The following CHN1 variants were observed in gnomAD, a reference collection of about 807,000 sequenced individuals.
CHN1 encodes the protein N-chimaerin.
Under a neutral mutation model 59.5 loss-of-function variants are expected in CHN1, and 37 were observed. The ratio of observed to expected loss-of-function variants is 0.62; its 90% CI spans 0.48 to 0.82. CHN1 has a LOEUF of 0.82. Ranked by LOEUF, CHN1 falls within the 40% of genes least tolerant of loss-of-function variation. The pLI is 0.00. For missense variants in CHN1, 469 were observed against 571.0 expected, an observed-to-expected ratio of 0.82 and a Z score of 1.82; for synonymous variants, 206 against 200.4, an observed-to-expected ratio of 1.03 and a Z score of -0.24.
At chr2:174,876,727 T>C (rs1038163859) in intron 6 of CHN1, among the ~76,000 whole-genome samples, 15 of 152,164 alleles carry the variant, frequency 9.9e-5, no homozygotes, top group African/African-American at 3.6e-4. Flanking sequence ...TCTAAGGTAA[T>C]GGGAAGTTAT....
intron 8 of CHN1, among the ~76,000 whole-genome samples, chr2:174,816,406 T>G (rs1037501858): frequency 1.3e-5 from 2 of 152,184 alleles, no homozygotes; most frequent in African/African-American, 4.8e-5. Context: ...CAGCATCCAC[T>G]GAGAAGGTGT....
chr2:174,905,749 A>G (rs1688525640), intron 5 of CHN1, among the ~76,000 whole-genome samples: 1 of 151,976 alleles, frequency 6.6e-6, no homozygotes. Context: ...TAGTAGAGAC[A>G]GGGTTTCACC....
At chr2:174,905,266 G>A (rs1558975612) in intron 5 of CHN1, among the ~76,000 whole-genome samples, 1 of 152,068 alleles carries the variant, frequency 6.6e-6, no homozygotes. Context: ...ACACACCTGA[G>A]ATTCTAGTTC....
chr2:174,859,602 T>A (rs1290500572), intron 6 of CHN1, among the ~76,000 whole-genome samples: 1 of 152,314 alleles, frequency 6.6e-6, no homozygotes, highest in South Asian at 2.1e-4. Context: ...CAAAGTGATA[T>A]GTCATATATA....
chr2:174,816,066 C>T (rs1033088271), intron 8 of CHN1, among the ~76,000 whole-genome samples: 13 of 152,108 alleles, frequency 8.5e-5, no homozygotes, highest in African/African-American at 2.9e-4. Flanking sequence ...TGCCCACAAA[C>T]TGGGTTGGGG....
chr2:174,948,426 T>C (rs1689911595), intron 2 of CHN1, among the ~76,000 whole-genome samples: 1 of 151,560 alleles, frequency 6.6e-6, no homozygotes, highest in Admixed American at 6.6e-5. Context: ...ATTCACACAA[T>C]AAGTACTGAA....
intron 1 of CHN1, among the ~76,000 whole-genome samples, chr2:174,990,424 A>G (rs1691509015): frequency 6.6e-6 from 1 of 152,060 alleles, no homozygotes; most frequent in South Asian, 2.1e-4. Flanking sequence ...AGACCTAGGA[A>G]CAGCAGATCT....
At chr2:174,895,186 A>G (rs1227997319) in intron 5 of CHN1, among the ~76,000 whole-genome samples, 2 of 126,148 alleles carry the variant, frequency 1.6e-5, no homozygotes, top group African/African-American at 5.6e-5. Flanking sequence ...GAGTATATAT[A>G]TGTGTGTGTG....
intron 7 of CHN1, among the ~76,000 whole-genome samples, chr2:174,831,791 G>T (rs934486287): frequency 1.3e-5 from 2 of 152,094 alleles, no homozygotes; most frequent in African/African-American, 4.8e-5. Flanking sequence ...CTTCTACTTA[G>T]AAAGTAAGCT....
intron 3 of CHN1, among the ~76,000 whole-genome samples, chr2:174,944,380 T>C (rs893306195): frequency 1.3e-5 from 2 of 152,212 alleles, no homozygotes; most frequent in African/African-American, 4.8e-5. Flanking sequence ...CTTTTGCCAA[T>C]CTGCAAAGTA....
In CHN1 at chr2:174,816,497, T is replaced by C. The variant is rs532816770; in HGVS notation, c.713-4015A>G. On this transcript the variant is annotated intron_variant, in intron 8 of 12. Coordinates refer to ENST00000409900, the MANE Select transcript of CHN1 (RefSeq NM_001822.7). ...TGCTGCTGGGCTGCCCTTTTCCCAC[T>C]GCGTTAGCTAGAAAGAGCAGCCTTT... 1.2e-3 allele frequency among the ~76,000 whole-genome samples: 181 copies of C among 152,350 alleles called. 1 individual carries two copies. The highest frequency in any genetic ancestry group is 4.1e-3 in the African/African-American group (170 of 41,586).
intron 8 of CHN1, among the ~76,000 whole-genome samples, chr2:174,813,465 T>C (rs1432166728): frequency 6.6e-6 from 1 of 152,218 alleles, no homozygotes; most frequent in Non-Finnish European, 1.5e-5. Flanking sequence ...CTACTGAAGT[T>C]ACTCATTTGC....
chr2:174,834,738 A>AT (rs1475972161), intron 7 of CHN1, among the ~76,000 whole-genome samples: 3 of 152,226 alleles, frequency 2.0e-5, no homozygotes, highest in African/African-American at 7.2e-5. Context: ...CAAAGTTGAC[A>AT]TATCTGTCCT....
intron 10 of CHN1, among the ~76,000 whole-genome samples, chr2:174,810,138 T>G (rs1177772696): frequency 6.6e-6 from 1 of 152,234 alleles, no homozygotes; most frequent in East Asian, 1.9e-4. Context: ...TATTTTGCTC[T>G]GTTTATTCAA....
intron 1 of CHN1, among the ~76,000 whole-genome samples, chr2:174,958,936 T>C (rs1296196587): frequency 6.6e-6 from 1 of 152,200 alleles, no homozygotes; most frequent in Non-Finnish European, 1.5e-5. Context: ...GTACACCTGC[T>C]CTGTTATAAA....
At chr2:174,827,018 C>T (rs1036217265) in intron 7 of CHN1, among the ~76,000 whole-genome samples, 1 of 151,974 alleles carries the variant, frequency 6.6e-6, no homozygotes, top group Non-Finnish European at 1.5e-5. Context: ...CCTTGCAGAA[C>T]CAGCAGCTTA....
At chr2:174,849,642 CA>C (rs1686660553) in intron 6 of CHN1, among the ~76,000 whole-genome samples, 1 of 152,132 alleles carries the variant, frequency 6.6e-6, no homozygotes, top group South Asian at 2.1e-4. Context: ...GCCATCTACT[CA>C]TATATAGAAT....
intron 3 of CHN1, among the ~76,000 whole-genome samples, chr2:174,934,972 C>T (rs1010465584): frequency 6.6e-6 from 1 of 152,168 alleles, no homozygotes; most frequent in Non-Finnish European, 1.5e-5. Flanking sequence ...CTAAAATATC[C>T]ATCCTCTTCC....
intron 3 of CHN1, among the ~76,000 whole-genome samples, chr2:174,923,648 AAAG>A (rs1386326269): frequency 1.3e-5 from 2 of 152,194 alleles, no homozygotes; most frequent in Admixed American, 6.5e-5. Flanking sequence ...GGACAAGTAT[AAAG>A]AAGTGTGACA....
Sources: allele counts gnomAD v4.1 joint callset (sites outside exome capture counted in the v4.1 genomes callset), GRCh38; gene constraint gnomAD v4.1.1; transcripts MANE v1.5; gene names NCBI Gene and HGNC (gene_info 2026-07-23, HGNC 2026-07-21).